The following MSRB3 variants were observed in gnomAD, a reference collection of about 807,000 sequenced individuals.
MSRB3 encodes the protein methionine-R-sulfoxide reductase B3.
A neutral mutation model predicts 21.0 loss-of-function variants in MSRB3; 13 were observed. The ratio of observed to expected loss-of-function variants is 0.62; its 90% CI spans 0.40 to 0.98. The LOEUF is 0.98. MSRB3 is among the 50% of genes least tolerant of loss of function. The pLI is 0.00. For synonymous variants in MSRB3, 87 were observed against 88.6 expected (o/e 0.98, Z 0.10); for missense variants, 199 against 230.3 (o/e 0.86, Z 0.88).
intron 5 of MSRB3, among the ~76,000 whole-genome samples, chr12:65,429,113 A>C (rs1881756688): frequency 6.6e-6 from 1 of 152,228 alleles, no homozygotes. Context: ...AGTGGCAAAC[A>C]GACAGGGCTC....
At chr12:65,441,523 C>T (rs548201640) in intron 5 of MSRB3, among the ~76,000 whole-genome samples, 1 of 151,928 alleles carries the variant, frequency 6.6e-6, no homozygotes, top group African/African-American at 2.4e-5. Context: ...TCCAGAGTAA[C>T]AGGAACGTAT....
intron 5 of MSRB3, among the ~76,000 whole-genome samples, chr12:65,412,913 G>A (rs1880790979): frequency 6.6e-6 from 1 of 152,140 alleles, no homozygotes; most frequent in African/African-American, 2.4e-5. Context: ...GGGGGGAAGA[G>A]CACTTTATAA....
intron 5 of MSRB3, among the ~76,000 whole-genome samples, chr12:65,437,766 C>T (rs1161571436): frequency 6.6e-6 from 1 of 151,896 alleles, no homozygotes; most frequent in Admixed American, 6.6e-5. Context: ...TCATAAAATT[C>T]CATTTCCCTT....
chr12:65,349,113 G>T (rs1229207042), intron 4 of MSRB3, among the ~76,000 whole-genome samples: 1 of 151,502 alleles, frequency 6.6e-6, no homozygotes, highest in African/African-American at 2.4e-5. Flanking sequence ...CTGTGTCCAT[G>T]TGATCTCATT....
chr12:65,371,294 C>T (rs756641944), intron 5 of MSRB3, among the ~76,000 whole-genome samples: 4 of 143,902 alleles, frequency 2.8e-5, no homozygotes, highest in Non-Finnish European at 6.0e-5. Context: ...TGCCACTGCA[C>T]TCCAGCCTGG....
intron 5 of MSRB3, among the ~76,000 whole-genome samples, chr12:65,396,406 A>G (rs1879780453): frequency 6.6e-6 from 1 of 152,174 alleles, no homozygotes; most frequent in Admixed American, 6.5e-5. Context: ...GATGTGTTTT[A>G]TGGGCTGGGT....
chr12:65,334,877 T>G (rs1875658539), intron 4 of MSRB3, among the ~76,000 whole-genome samples: 3 of 152,214 alleles, frequency 2.0e-5, no homozygotes, highest in Admixed American at 1.3e-4. Context: ...CTGTCACATT[T>G]TCTCAAATAG....
intron 5 of MSRB3, among the ~76,000 whole-genome samples, chr12:65,418,225 C>T (rs982588064): frequency 6.6e-6 from 1 of 152,160 alleles, no homozygotes; most frequent in Admixed American, 6.5e-5. Context: ...CTCCCTCAGC[C>T]TCCCAAATAG....
intron 2 of MSRB3, among the ~76,000 whole-genome samples, chr12:65,324,588 A>T (rs1347742189): frequency 6.6e-6 from 1 of 152,206 alleles, no homozygotes; most frequent in Non-Finnish European, 1.5e-5. Flanking sequence ...CAAATACTTG[A>T]CATGGTTCAT....
intron 6 of MSRB3, among the ~76,000 whole-genome samples, chr12:65,462,474 A>G (rs1273072288): frequency 6.6e-6 from 1 of 152,222 alleles, no homozygotes; most frequent in Non-Finnish European, 1.5e-5. Flanking sequence ...GATTTTAGCT[A>G]AACAGCTTAT....
At chr12:65,389,261 G>C (rs1367494725) in intron 5 of MSRB3, among the ~76,000 whole-genome samples, 2 of 152,090 alleles carry the variant, frequency 1.3e-5, no homozygotes, top group Non-Finnish European at 2.9e-5. Context: ...GCTCTTTGGA[G>C]CTGTGATTCC....
chr12:65,340,953 A>G (rs1876098571), intron 4 of MSRB3, among the ~76,000 whole-genome samples: 2 of 152,146 alleles, frequency 1.3e-5, no homozygotes, highest in African/African-American at 4.8e-5. Context: ...AATTATTCCT[A>G]TGCTATTATA....
chr12:65,422,426 ATATATTTATT>A (rs1460137144), intron 5 of MSRB3, among the ~76,000 whole-genome samples: 39 of 77,306 alleles, frequency 5.0e-4, no homozygotes, highest in South Asian at 8.5e-4. Flanking sequence ...ATATATATAT[ATATATTTATT>A]TATTTATTTA....
intron 4 of MSRB3, among the ~76,000 whole-genome samples, chr12:65,364,526 G>A (rs796972932): frequency 3.3e-5 from 5 of 152,246 alleles, no homozygotes; most frequent in South Asian, 2.1e-4. Context: ...ATGCAATTTT[G>A]TATCCCTACC....
intron 1 of MSRB3, among the ~76,000 whole-genome samples, chr12:65,297,669 C>T (rs1873058568): frequency 6.6e-6 from 1 of 152,082 alleles, no homozygotes; most frequent in Admixed American, 6.6e-5. Context: ...GTCTTGAATA[C>T]CAGGATACAT....
In MSRB3 at chr12:65,403,375, T is replaced by C. The variant is rs556982352; in HGVS notation, c.292+34349T>C. 1.1e-4 allele frequency among the ~76,000 whole-genome samples: 17 copies of C among 152,284 alleles called. No individual in the cohort carries two copies. In the South Asian group the frequency reaches 3.5e-3, roughly 32 times the overall value. ...CAAGTTGCGGTGGGCTCTGCCAAGT[T>C]TGAAATTTCTGGCGGCTTTGTTTAC... On this transcript the variant is annotated intron_variant, in intron 5 of 6. Coordinates refer to ENST00000308259, the MANE Select transcript of MSRB3 (RefSeq NM_001031679.3).
At chr12:65,407,730 TTCTG>T (rs1348765647) in intron 5 of MSRB3, among the ~76,000 whole-genome samples, 22 of 152,304 alleles carry the variant, frequency 1.4e-4, no homozygotes, top group African/African-American at 5.3e-4. Context: ...AGATATTCTG[TTCTG>T]TCTTTTTCAC....
intron 5 of MSRB3, among the ~76,000 whole-genome samples, chr12:65,416,251 T>C (rs981866277): frequency 2.6e-5 from 4 of 152,176 alleles, no homozygotes; most frequent in Admixed American, 1.3e-4. Context: ...TCCATATCAT[T>C]CTTGCCTGTG....
chr12:65,435,896 AT>A (rs1004019445), intron 5 of MSRB3, among the ~76,000 whole-genome samples: 15 of 151,880 alleles, frequency 9.9e-5, no homozygotes, highest in African/African-American at 3.6e-4. Flanking sequence ...TATTTTGTCC[AT>A]TTTTTCAATA....
Sources: allele counts gnomAD v4.1 joint callset (sites outside exome capture counted in the v4.1 genomes callset), GRCh38; gene constraint gnomAD v4.1.1; transcripts MANE v1.5; gene names NCBI Gene and HGNC (gene_info 2026-07-23, HGNC 2026-07-21).